SAMD12: variants seen among roughly 807,000 people sequenced by gnomAD.
SAMD12 encodes sterile alpha motif domain-containing protein 12.
Under a neutral mutation model 15.0 loss-of-function variants are expected in SAMD12, and 9 were observed. That is an observed-to-expected ratio of 0.60 (90% CI 0.36 to 1.05). The LOEUF (loss-of-function observed/expected upper bound fraction) is 1.05. SAMD12 is among the 50% of genes least tolerant of loss of function. The pLI is 0.01. For synonymous variants in SAMD12, 86 were observed against 90.1 expected (o/e 0.96, Z 0.25); for missense variants, 230 against 234.2 (o/e 0.98, Z 0.12).
chr8:118,140,715 C>G, the SAMD12 span, among the ~76,000 whole-genome samples: 1 of 152,192 alleles, frequency 6.6e-6, no homozygotes, highest in Non-Finnish European at 1.5e-5. Flanking sequence ...CATTTTCTAG[C>G]CTCTTTTGCA....
chr8:118,267,499 T>C (rs1367791502), intron 4 of SAMD12, among the ~76,000 whole-genome samples: 3 of 152,126 alleles, frequency 2.0e-5, no homozygotes, highest in Admixed American at 2.0e-4. Flanking sequence ...CATGAAGGCA[T>C]CACCTCAATA....
chr8:118,310,768 C>G (rs1815587812), intron 4 of SAMD12, among the ~76,000 whole-genome samples: 1 of 152,166 alleles, frequency 6.6e-6, no homozygotes, highest in Admixed American at 6.5e-5. Flanking sequence ...CTAGCGCTTC[C>G]AACAATTTCC....
intron 4 of SAMD12, among the ~76,000 whole-genome samples, chr8:118,359,817 A>G (rs1818402002): frequency 1.3e-5 from 2 of 152,246 alleles, no homozygotes; most frequent in African/African-American, 4.8e-5. Context: ...GATAGTGATT[A>G]TCACTGATGT....
intron 2 of SAMD12, among the ~76,000 whole-genome samples, chr8:118,523,179 C>A (rs1049488291): frequency 6.6e-6 from 1 of 152,198 alleles, no homozygotes. Context: ...GAGTCACAAA[C>A]CTTTCAGACT....
intron 1 of SAMD12, among the ~76,000 whole-genome samples, chr8:118,606,255 G>A (rs926842963): frequency 6.6e-6 from 1 of 152,066 alleles, no homozygotes; most frequent in South Asian, 2.1e-4. Flanking sequence ...AGTGGGCCCT[G>A]TGCCATCCCT....
chr8:118,284,769 T>C (rs3763563), intron 4 of SAMD12: 11,603 of 158,170 alleles, frequency 0.073, 823 homozygotes, highest in East Asian at 0.34. Context: ...GGTGAAACCC[T>C]GTCTCTACTA....
At chr8:118,586,115 A>G (rs757072517) in intron 1 of SAMD12, among the ~76,000 whole-genome samples, 29 of 152,148 alleles carry the variant, frequency 1.9e-4, no homozygotes, top group Admixed American at 7.9e-4. Flanking sequence ...TGGCTCCCCA[A>G]CCAAGGAACC....
intron 4 of SAMD12, among the ~76,000 whole-genome samples, chr8:118,348,524 A>G (rs1183179076): frequency 1.3e-5 from 2 of 151,916 alleles, no homozygotes; most frequent in Middle Eastern, 3.2e-3. Context: ...GGCGCCTGCC[A>G]CCACGCCCAG....
At chr8:118,396,647 G>A (rs144403937) in intron 3 of SAMD12, among the ~76,000 whole-genome samples, 250 of 152,320 alleles carry the variant, frequency 1.6e-3, no homozygotes, top group Admixed American at 3.2e-3. Flanking sequence ...GTCCAAAGTC[G>A]TAAGACTAGT....
chr8:118,265,886 C>T (rs996468005), intron 4 of SAMD12, among the ~76,000 whole-genome samples: 2 of 151,936 alleles, frequency 1.3e-5, no homozygotes, highest in Non-Finnish European at 2.9e-5. Flanking sequence ...ATATCCAAGA[C>T]TGTACGACAT....
At chr8:118,243,488 A>C (rs1020240603) in intron 4 of SAMD12, among the ~76,000 whole-genome samples, 2 of 152,082 alleles carry the variant, frequency 1.3e-5, no homozygotes, top group African/African-American at 2.4e-5. Context: ...CTATATACTC[A>C]GGTGCACATA....
rs147477929 is a variant in SAMD12, at chr8:118,379,649, G to C, written c.374C>G (p.Ala125Gly). 2.0e-3 allele frequency: 3,271 copies of C among 1,613,864 alleles called. 5 individuals are homozygous for C. Among genetic ancestry groups the C allele is most frequent in the Middle Eastern group, 4.8e-3 (29 of 6,058 alleles). ...GATGTGCTGCCGGAGGTTCTCCTGG[G>C]CAATCCCCATTCGCTCGAGCTTTTT... ...TDKKLERMGI[A>G]QENLRQHILQ... Residue 125 changes from alanine to glycine, a missense_variant, in exon 4 of 4, where the codon GCC becomes GGC. Transcript: ENST00000314727.
rs73709146 is a variant in SAMD12, at chr8:118,620,527, A to C, written c.13+1277T>G. Among the ~76,000 whole-genome samples, 803 of 152,268 alleles carry C rather than the reference A, an allele frequency of 5.3e-3. 3 individuals are homozygous for C. Among genetic ancestry groups the C allele is most frequent in the African/African-American group, 0.018 (759 of 41,578 alleles). On this transcript the variant is annotated intron_variant, in intron 1 of 3. Transcript: ENST00000314727. The stretch of plus-strand genomic sequence containing the variant: ...TCATTTTTGTTAATAAAGTTAGGAA[A>C]GCTGGAAGTGGCTGGCTGTGGATCT...
the SAMD12 span, among the ~76,000 whole-genome samples, chr8:118,152,466 T>C: frequency 2.1e-5 from 3 of 145,204 alleles, no homozygotes; most frequent in African/African-American, 7.8e-5. Flanking sequence ...CTACCTTCCT[T>C]CCTTCCTTCC....
At chr8:118,361,012 C>G (rs930711062) in intron 4 of SAMD12, among the ~76,000 whole-genome samples, 2 of 152,056 alleles carry the variant, frequency 1.3e-5, no homozygotes, top group African/African-American at 2.4e-5. Flanking sequence ...TTAATATGAC[C>G]TAAATGTTCT....
chr8:118,382,278 T>C (rs1410476571), intron 3 of SAMD12, among the ~76,000 whole-genome samples: 1 of 152,236 alleles, frequency 6.6e-6, no homozygotes, highest in Non-Finnish European at 1.5e-5. Flanking sequence ...TGGCATTTCC[T>C]AGCAAGAGCT....
chr8:118,343,402 T>G (rs1563778799), intron 4 of SAMD12, among the ~76,000 whole-genome samples: 5 of 151,350 alleles, frequency 3.3e-5, no homozygotes, highest in Non-Finnish European at 5.9e-5. Flanking sequence ...TAACCAGAAA[T>G]GCAACATGCA....
At chr8:118,228,761 A>G (rs999062068) in intron 4 of SAMD12, among the ~76,000 whole-genome samples, 1 of 152,220 alleles carries the variant, frequency 6.6e-6, no homozygotes, top group African/African-American at 2.4e-5. Flanking sequence ...TAGAACTACT[A>G]TTTGATCCAG....
rs571301631 is a variant in SAMD12 at position 118,433,648 on chromosome 8, T to C, written c.322+6184A>G. Among the ~76,000 whole-genome samples, 47 of 152,222 alleles carry C rather than the reference T, an allele frequency of 3.1e-4. No homozygotes were observed. In the South Asian group the frequency reaches 9.5e-3, roughly 31 times the overall value. On this transcript the variant is annotated intron_variant, in intron 3 of 3. Coordinates refer to ENST00000314727, the MANE Select transcript of SAMD12 (RefSeq NM_207506.3). Reference sequence around the variant, plus strand: ...AAAAATCAATGGCTCTACTGGAAAATTAGGAGAAACAACTTATGTTCTAAT... The same window carrying C: ...AAAAATCAATGGCTCTACTGGAAAACTAGGAGAAACAACTTATGTTCTAAT...
Sources: allele counts gnomAD v4.1 joint callset (sites outside exome capture counted in the v4.1 genomes callset), GRCh38; gene constraint gnomAD v4.1.1; transcripts MANE v1.5; gene names NCBI Gene and HGNC (gene_info 2026-07-23, HGNC 2026-07-21).